The following KCNIP4 variants were observed in gnomAD, a reference collection of about 807,000 sequenced individuals.
KCNIP4 encodes Kv channel-interacting protein 4.
Under a neutral mutation model 34.0 loss-of-function variants are expected in KCNIP4, and 12 were observed. That is an observed-to-expected ratio of 0.35 (90% CI 0.23 to 0.57). The LOEUF is 0.57. Among genes scored for constraint, KCNIP4 ranks in the 20% least tolerant of loss-of-function variants. KCNIP4 has a pLI of 0.83. For missense variants in KCNIP4, 238 were observed against 311.7 expected (o/e 0.76, Z 1.78); for synonymous variants, 124 against 102.2 (o/e 1.21, Z -1.29).
At chr4:21,380,387 G>T (rs1721368944) in intron 1 of KCNIP4, among the ~76,000 whole-genome samples, 2 of 149,326 alleles carry the variant, frequency 1.3e-5, no homozygotes, top group South Asian at 4.4e-4. Flanking sequence ...TAGGTTGTGA[G>T]TGTGTCTCTC....
At chr4:21,414,972 T>C (rs556625793) in intron 1 of KCNIP4, among the ~76,000 whole-genome samples, 1 of 152,196 alleles carries the variant, frequency 6.6e-6, no homozygotes, top group South Asian at 2.1e-4. Context: ...AATTGTACTG[T>C]CTCAGTTGTT....
intron 1 of KCNIP4, among the ~76,000 whole-genome samples, chr4:21,580,015 T>C (rs1414856215): frequency 1.3e-5 from 2 of 152,246 alleles, no homozygotes; most frequent in East Asian, 3.9e-4. Flanking sequence ...TAATTTCCAG[T>C]TGTAATATAG....
At chr4:21,086,832 T>G (rs1746476380) in intron 1 of KCNIP4, among the ~76,000 whole-genome samples, 1 of 152,092 alleles carries the variant, frequency 6.6e-6, no homozygotes, top group Non-Finnish European at 1.5e-5. Flanking sequence ...CTACCTAGTC[T>G]TCACATGTTC....
intron 1 of KCNIP4, among the ~76,000 whole-genome samples, chr4:21,742,771 A>AC (rs1716502979): frequency 6.6e-6 from 1 of 152,194 alleles, no homozygotes; most frequent in African/African-American, 2.4e-5. Context: ...ATGGGAAAAT[A>AC]GAAAAAGACA....
At chr4:20,926,993 A>G (rs1400294214) in intron 1 of KCNIP4, among the ~76,000 whole-genome samples, 1 of 152,004 alleles carries the variant, frequency 6.6e-6, no homozygotes, top group Non-Finnish European at 1.5e-5. Context: ...TCTTTTTTTG[A>G]GATGGAGTCT....
intron 1 of KCNIP4, among the ~76,000 whole-genome samples, chr4:21,911,049 T>C (rs920328134): frequency 5.3e-5 from 8 of 152,226 alleles, no homozygotes; most frequent in Admixed American, 2.0e-4. Flanking sequence ...TTCTAGTGCA[T>C]ACAATGAGTT....
intron 1 of KCNIP4, chr4:20,916,311 A>G (rs1728811072): frequency 8.1e-6 from 8 of 982,876 alleles, no homozygotes; most frequent in Non-Finnish European, 9.6e-6. Flanking sequence ...GTGGCTTTTT[A>G]GAAGTGTTTA....
intron 1 of KCNIP4, among the ~76,000 whole-genome samples, chr4:21,460,988 C>T (rs1729417913): frequency 2.0e-5 from 3 of 152,008 alleles, no homozygotes; most frequent in Non-Finnish European, 4.4e-5. Context: ...ATTTAGAAAA[C>T]GCTATAACAA....
At chr4:21,734,739 A>G (rs1715866250) in intron 1 of KCNIP4, among the ~76,000 whole-genome samples, 1 of 152,204 alleles carries the variant, frequency 6.6e-6, no homozygotes, top group Admixed American at 6.5e-5. Context: ...AAAATACAAC[A>G]GAATTTTCAA....
intron 1 of KCNIP4, among the ~76,000 whole-genome samples, chr4:21,035,636 A>G (rs989058932): frequency 6.6e-6 from 1 of 152,188 alleles, no homozygotes; most frequent in Non-Finnish European, 1.5e-5. Context: ...GACATAGTGG[A>G]GACTGTTTAG....
chr4:21,424,579 GAAAGAAAGAAAGAAAGAAAGAGAGAA>G (rs1312247093), intron 1 of KCNIP4, among the ~76,000 whole-genome samples: 4 of 141,624 alleles, frequency 2.8e-5, no homozygotes, highest in South Asian at 4.5e-4. Flanking sequence ...TGAAAAAGAG[GAAAGAAAGAAAGAAAGAAAGAGAGAA>G]AAAGAAAGAA....
intron 1 of KCNIP4, among the ~76,000 whole-genome samples, chr4:21,612,402 A>G (rs1337591151): frequency 6.6e-6 from 1 of 152,230 alleles, no homozygotes; most frequent in African/African-American, 2.4e-5. Context: ...ACTTGAGCCC[A>G]GAAGTTTGAA....
At chr4:20,853,763 A>G (rs1721284758) in intron 2 of KCNIP4, among the ~76,000 whole-genome samples, 1 of 152,232 alleles carries the variant, frequency 6.6e-6, no homozygotes, top group Non-Finnish European at 1.5e-5. Flanking sequence ...ACAAAGGATT[A>G]ATATCCAGAA....
chr4:21,586,881 G>T (rs1741663738), intron 1 of KCNIP4, among the ~76,000 whole-genome samples: 1 of 151,952 alleles, frequency 6.6e-6, no homozygotes, highest in Non-Finnish European at 1.5e-5. Flanking sequence ...TTGGAATAAG[G>T]TATCAAGTCT....
At chr4:21,235,883 T>C (rs1007948535) in intron 1 of KCNIP4, among the ~76,000 whole-genome samples, 1 of 152,126 alleles carries the variant, frequency 6.6e-6, no homozygotes. Context: ...GGAGAAGGCA[T>C]TGCCTAGGTA....
chr4:21,069,259 C>A (rs1744680792), intron 1 of KCNIP4, among the ~76,000 whole-genome samples: 1 of 151,682 alleles, frequency 6.6e-6, no homozygotes, highest in African/African-American at 2.4e-5. Context: ...GCTTTGAAGT[C>A]TCACCTCTAT....
chr4:21,185,729 A>C (rs1755172060), intron 1 of KCNIP4, among the ~76,000 whole-genome samples: 1 of 152,134 alleles, frequency 6.6e-6, no homozygotes, highest in African/African-American at 2.4e-5. Flanking sequence ...TAGGGTCAAA[A>C]TTATTCCAGT....
chr4:21,602,163 A>G (rs569537270), intron 1 of KCNIP4, among the ~76,000 whole-genome samples: 1 of 152,268 alleles, frequency 6.6e-6, no homozygotes, highest in Admixed American at 6.5e-5. Flanking sequence ...ATATTCTTCA[A>G]CACTTAATTC....
chr4:20,891,403 G>A (rs144794408), intron 1 of KCNIP4, among the ~76,000 whole-genome samples: 4 of 152,096 alleles, frequency 2.6e-5, no homozygotes, highest in East Asian at 1.9e-4. Context: ...TTGGTAGATC[G>A]AGACCATCCT....
Sources: gnomAD v4.1 joint callset for allele counts (sites outside exome capture counted in the v4.1 genomes callset) on GRCh38, gnomAD v4.1.1 for gene constraint, MANE v1.5 for transcripts, NCBI Gene and HGNC (gene_info 2026-07-23, HGNC 2026-07-21) for gene names.